TRABD2B: variants seen among roughly 807,000 people sequenced by gnomAD.
TRABD2B encodes metalloprotease TIKI2.
TRABD2B carries 14 observed loss-of-function variants against 40.1 expected under a neutral mutation model. The ratio of observed to expected loss-of-function variants is 0.35; its 90% confidence interval spans 0.23 to 0.55. The LOEUF (loss-of-function observed/expected upper bound fraction) is 0.55. Among genes scored for constraint, TRABD2B ranks in the 20% least tolerant of loss-of-function variants. The probability of loss-of-function intolerance (pLI) is 0.90; values close to 1 mark genes in which losing one functional copy is unlikely to be tolerated. For synonymous variants in TRABD2B, 263 were observed against 277.0 expected (o/e 0.95, Z 0.50); for missense variants, 541 against 648.6 (o/e 0.83, Z 1.80).
chr1:47,771,247 T>C (rs1644374412), intron 6 of TRABD2B, among the ~76,000 whole-genome samples: 1 of 152,166 alleles, frequency 6.6e-6, no homozygotes. Context: ...CTTTGAGAGC[T>C]CTAGCCATCT....
chr1:47,789,369 T>C (rs1284784072), intron 4 of TRABD2B, among the ~76,000 whole-genome samples: 1 of 152,156 alleles, frequency 6.6e-6, no homozygotes, highest in Admixed American at 6.5e-5. Context: ...GATTTGTAGC[T>C]GGCATGTGCC....
chr1:47,816,244 T>C (rs1398350257), intron 2 of TRABD2B, among the ~76,000 whole-genome samples: 1 of 152,214 alleles, frequency 6.6e-6, no homozygotes, highest in Non-Finnish European at 1.5e-5. Context: ...AGCCCTGACC[T>C]GAGGTAGGGC....
chr1:47,841,786 CTTTTTTTT>C (rs780669674), intron 2 of TRABD2B, among the ~76,000 whole-genome samples: 8 of 136,468 alleles, frequency 5.9e-5, no homozygotes, highest in Non-Finnish European at 1.2e-4. Flanking sequence ...TTTTCTTTTT[CTTTTTTTT>C]TTTTTTTTGA....
At chr1:47,894,176 TA>T (rs1298737884) in intron 2 of TRABD2B, among the ~76,000 whole-genome samples, 6 of 152,134 alleles carry the variant, frequency 3.9e-5, no homozygotes, top group African/African-American at 1.4e-4. Flanking sequence ...CAGCCTACAA[TA>T]ATACTTAGGA....
At chr1:47,843,265 G>A (rs1645423923) in intron 2 of TRABD2B, among the ~76,000 whole-genome samples, 1 of 152,184 alleles carries the variant, frequency 6.6e-6, no homozygotes, top group African/African-American at 2.4e-5. Flanking sequence ...GTAGAGTGGA[G>A]GAGAAAATGC....
intron 2 of TRABD2B, among the ~76,000 whole-genome samples, chr1:47,985,595 C>T (rs1557696413): frequency 6.6e-6 from 1 of 152,238 alleles, no homozygotes; most frequent in African/African-American, 2.4e-5. Flanking sequence ...AGAGATGGCC[C>T]CAGGGCCCTG....
intron 2 of TRABD2B, among the ~76,000 whole-genome samples, chr1:47,923,518 TTCA>T (rs1644928760): frequency 1.3e-5 from 2 of 152,220 alleles, no homozygotes; most frequent in Admixed American, 1.3e-4. Context: ...AAAGGGATTT[TTCA>T]TCATAACTGG....
intron 2 of TRABD2B, among the ~76,000 whole-genome samples, chr1:47,904,972 GA>G (rs1457015735): frequency 6.6e-6 from 1 of 152,188 alleles, no homozygotes; most frequent in African/African-American, 2.4e-5. Context: ...TGATTCTACA[GA>G]AACCAGCTGA....
chr1:47,840,133 A>T (rs1237398410), intron 2 of TRABD2B, among the ~76,000 whole-genome samples: 2 of 152,146 alleles, frequency 1.3e-5, no homozygotes, highest in Non-Finnish European at 2.9e-5. Context: ...GACCAGGACC[A>T]TGAGTCCTGG....
intron 2 of TRABD2B, among the ~76,000 whole-genome samples, chr1:47,830,866 T>C (rs1235981763): frequency 1.3e-5 from 2 of 152,170 alleles, no homozygotes; most frequent in Non-Finnish European, 2.9e-5. Context: ...GTTCTCTGTA[T>C]TATATATCTC....
At chr1:47,980,567 T>A (rs781386498) in intron 2 of TRABD2B, among the ~76,000 whole-genome samples, 13 of 152,174 alleles carry the variant, frequency 8.5e-5, no homozygotes, top group Non-Finnish European at 1.8e-4. Flanking sequence ...CTGAGGCAAA[T>A]TGAACAGAGA....
Position 47,892,481 on chromosome 1 carries a change from G to A in TRABD2B, c.667-90862C>T, listed in dbSNP as rs140440163. 3.2e-4 allele frequency among the ~76,000 whole-genome samples: 49 copies of A among 152,336 alleles called. 1 individual carries two copies. The highest frequency in any genetic ancestry group is 9.6e-4 in the African/African-American group (40 of 41,576). ...ATATATGAATCCAGAGAGTTTGTACGAAGAGAGAATTTGGGCTGCAGATTG... is the reference window on the plus strand; with the variant it reads ...ATATATGAATCCAGAGAGTTTGTACAAAGAGAGAATTTGGGCTGCAGATTG... On this transcript the variant is annotated intron_variant, in intron 2 of 6. Transcript: ENST00000606738.
At chr1:47,846,895 C>CACACACAA (rs1361349242) in intron 2 of TRABD2B, among the ~76,000 whole-genome samples, 1 of 143,510 alleles carries the variant, frequency 7.0e-6, no homozygotes, top group African/African-American at 2.6e-5. Flanking sequence ...CACACACACA[C>CACACACAA]AAATGAGGGC....
intron 3 of TRABD2B, among the ~76,000 whole-genome samples, chr1:47,795,386 C>T (rs894404923): frequency 6.6e-6 from 1 of 152,176 alleles, no homozygotes; most frequent in Non-Finnish European, 1.5e-5. Flanking sequence ...GGGAGGCTGG[C>T]ACTGTGCTCA....
intron 2 of TRABD2B, among the ~76,000 whole-genome samples, chr1:47,981,054 G>C (rs1402340119): frequency 1.3e-5 from 2 of 151,852 alleles, no homozygotes; most frequent in Non-Finnish European, 2.9e-5. Flanking sequence ...TGTCGCCCAG[G>C]CTGGAGTAGA....
chr1:47,964,362 C>T (rs1645566633), intron 2 of TRABD2B, among the ~76,000 whole-genome samples: 1 of 152,148 alleles, frequency 6.6e-6, no homozygotes, highest in South Asian at 2.1e-4. Flanking sequence ...CCACAAAGAT[C>T]ACCAATAGAC....
chr1:47,901,531 G>A (rs994267504), intron 2 of TRABD2B, among the ~76,000 whole-genome samples: 1 of 152,142 alleles, frequency 6.6e-6, no homozygotes, highest in Non-Finnish European at 1.5e-5. Context: ...CTGCCTCCAG[G>A]CCAGCTGGTA....
chr1:47,929,708 G>A (rs1394685696), intron 2 of TRABD2B, among the ~76,000 whole-genome samples: 1 of 152,162 alleles, frequency 6.6e-6, no homozygotes, highest in Non-Finnish European at 1.5e-5. Context: ...CTGGCAGAGT[G>A]GGTGCTCATG....
chr1:47,877,545 C>A (rs1296863879), intron 2 of TRABD2B, among the ~76,000 whole-genome samples: 1 of 152,158 alleles, frequency 6.6e-6, no homozygotes, highest in African/African-American at 2.4e-5. Flanking sequence ...AAGCATCTCG[C>A]CATCTCTATT....
Sources: allele counts gnomAD v4.1 joint callset (sites outside exome capture counted in the v4.1 genomes callset), GRCh38; gene constraint gnomAD v4.1.1; transcripts MANE v1.5; gene names NCBI Gene and HGNC (gene_info 2026-07-23, HGNC 2026-07-21).